DIS3L2: variants seen among roughly 807,000 people sequenced by gnomAD.
DIS3L2 encodes DIS3-like exonuclease 2.
Under a neutral mutation model 97.5 loss-of-function variants are expected in DIS3L2, and 34 were observed. The ratio of observed to expected loss-of-function variants is 0.35; its 90% CI spans 0.27 to 0.46. The LOEUF (loss-of-function observed/expected upper bound fraction) is 0.46, where lower values mean the gene tolerates loss of function less well. Among genes scored for constraint, DIS3L2 ranks in the 20% least tolerant of loss-of-function variants. The pLI, the probability that DIS3L2 is intolerant of heterozygous loss-of-function variation, is 1.00. For synonymous variants in DIS3L2, 435 were observed against 445.2 expected (o/e 0.98, Z 0.29); for missense variants, 1,038 against 1,146.0 (o/e 0.91, Z 1.36).
At chr2:232,084,492 A>T (rs953087927) in intron 5 of DIS3L2, among the ~76,000 whole-genome samples, 4 of 152,156 alleles carry the variant, frequency 2.6e-5, no homozygotes, top group Non-Finnish European at 5.9e-5. Context: ...GGATTTTCAG[A>T]TTAGGGATGT....
At chr2:232,218,297 A>T (rs1574952374) in intron 10 of DIS3L2, among the ~76,000 whole-genome samples, 1 of 152,242 alleles carries the variant, frequency 6.6e-6, no homozygotes, top group Non-Finnish European at 1.5e-5. Flanking sequence ...CACAGATAGT[A>T]TAGAGAACTG....
chr2:231,984,559 T>C (rs1360155619), intron 1 of DIS3L2, among the ~76,000 whole-genome samples: 1 of 151,744 alleles, frequency 6.6e-6, no homozygotes, highest in Non-Finnish European at 1.5e-5. Context: ...GCTAATTTTT[T>C]TTTTTTTGTA....
chr2:232,321,190 C>CG (rs1415985499), intron 14 of DIS3L2, among the ~76,000 whole-genome samples: 2 of 152,120 alleles, frequency 1.3e-5, no homozygotes, highest in Non-Finnish European at 2.9e-5. Flanking sequence ...CAAAAGCCTG[C>CG]GGGGGGCCAG....
intron 5 of DIS3L2, among the ~76,000 whole-genome samples, chr2:232,058,470 C>A (rs1429118137): frequency 6.6e-6 from 1 of 152,074 alleles, no homozygotes; most frequent in African/African-American, 2.4e-5. Context: ...CTAATTAGAA[C>A]TAGTAAGCTA....
chr2:232,303,776 A>C (rs1380510092), intron 14 of DIS3L2, among the ~76,000 whole-genome samples: 1 of 152,138 alleles, frequency 6.6e-6, no homozygotes, highest in Non-Finnish European at 1.5e-5. Context: ...AACAGAGAAG[A>C]AGAATGTGGC....
rs2106354657 is a variant in DIS3L2, at chr2:232,334,657, C to T, written c.2316C>T (p.Ala772=). ...VKESGPLESE[A]MVMGILKQAF... is the part of the protein sequence containing the mutation. The stretch of plus-strand genomic sequence containing the variant: ...AGAGTGGCCCCCTGGAGTCAGAAGC[C>T]ATGGTGATGGGCATCCTGAAGCAAG... Residue 772 remains alanine, a synonymous_variant, in exon 19 of 21, where the codon GCC becomes GCT. Transcript: ENST00000325385. 6.2e-7 allele frequency: 1 copy of T among 1,609,944 alleles called. No homozygotes were observed. The highest frequency in any genetic ancestry group is 1.1e-5 in the South Asian group (1 of 90,438).
At chr2:232,282,659 G>A (rs558016829) in intron 13 of DIS3L2, among the ~76,000 whole-genome samples, 18 of 152,300 alleles carry the variant, frequency 1.2e-4, no homozygotes, top group Admixed American at 1.0e-3. Flanking sequence ...GTAAGGCTGC[G>A]CTTTCAGGAG....
chr2:232,086,368 T>TATATGC (rs1696617446), intron 5 of DIS3L2, among the ~76,000 whole-genome samples: 1 of 135,894 alleles, frequency 7.4e-6, no homozygotes, highest in South Asian at 2.1e-4. Flanking sequence ...TGTGTATATG[T>TATATGC]ATATGTATAT....
intron 11 of DIS3L2, among the ~76,000 whole-genome samples, chr2:232,246,689 C>T (rs1300701911): frequency 1.3e-5 from 2 of 152,370 alleles, no homozygotes; most frequent in African/African-American, 4.8e-5. Context: ...GCTGAGTCTG[C>T]ACTTCACTCA....
chr2:232,135,905 A>G (rs1698342555), intron 7 of DIS3L2, among the ~76,000 whole-genome samples: 1 of 152,170 alleles, frequency 6.6e-6, no homozygotes, highest in Non-Finnish European at 1.5e-5. Context: ...ACTTTCTCAG[A>G]GAATACTTCT....
chr2:232,319,565 A>T (rs1223745644), intron 14 of DIS3L2, among the ~76,000 whole-genome samples: 1 of 152,162 alleles, frequency 6.6e-6, no homozygotes, highest in African/African-American at 2.4e-5. Flanking sequence ...GAGGCCAGAG[A>T]GTTCTGGGTG....
At chr2:232,132,189 G>C (rs1431013727) in intron 7 of DIS3L2, among the ~76,000 whole-genome samples, 1 of 151,888 alleles carries the variant, frequency 6.6e-6, no homozygotes, top group African/African-American at 2.4e-5. Flanking sequence ...CCTTTCTTTT[G>C]GATAATGTTT....
intron 1 of DIS3L2, among the ~76,000 whole-genome samples, chr2:232,011,410 A>G (rs906204986): frequency 4.0e-5 from 6 of 150,792 alleles, no homozygotes; most frequent in South Asian, 2.1e-4. Context: ...CTGGAGAGCA[A>G]TGGCACAATC....
chr2:232,300,408 T>A (rs1023742044), intron 14 of DIS3L2, among the ~76,000 whole-genome samples: 1 of 152,206 alleles, frequency 6.6e-6, no homozygotes, highest in Non-Finnish European at 1.5e-5. Flanking sequence ...CTCCCCACTC[T>A]TGGTCTCCAG....
At chr2:232,312,992 C>T (rs928034355) in intron 14 of DIS3L2, among the ~76,000 whole-genome samples, 1 of 152,042 alleles carries the variant, frequency 6.6e-6, no homozygotes, top group Non-Finnish European at 1.5e-5. Flanking sequence ...AACAATATTT[C>T]AGTTCAGTGT....
At chr2:232,174,585 C>CAAAAAA (rs60698530) in intron 9 of DIS3L2, among the ~76,000 whole-genome samples, 1 of 83,972 alleles carries the variant, frequency 1.2e-5, no homozygotes. Flanking sequence ...GACTCCACCT[C>CAAAAAA]AAAAAAAAAA....
intron 9 of DIS3L2, among the ~76,000 whole-genome samples, chr2:232,174,867 C>T (rs1429290491): frequency 6.6e-6 from 1 of 150,484 alleles, no homozygotes; most frequent in African/African-American, 2.5e-5. Context: ...TTTGAGACAG[C>T]GTCTTGCTCT....
chr2:232,282,072 C>A (rs79310368), intron 13 of DIS3L2, among the ~76,000 whole-genome samples: 2,953 of 150,824 alleles, frequency 0.02, 98 homozygotes, highest in African/African-American at 0.069. Flanking sequence ...AGCCGTCCTT[C>A]CTCCTTGCTT....
chr2:232,147,109 A>C (rs1432093413), intron 8 of DIS3L2, among the ~76,000 whole-genome samples: 2 of 152,094 alleles, frequency 1.3e-5, no homozygotes, highest in African/African-American at 4.8e-5. Context: ...TTTCTGCTCC[A>C]AGATTTTTAA....
Sources: gnomAD v4.1 joint callset for allele counts (sites outside exome capture counted in the v4.1 genomes callset) on GRCh38, gnomAD v4.1.1 for gene constraint, MANE v1.5 for transcripts, NCBI Gene and HGNC (gene_info 2026-07-23, HGNC 2026-07-21) for gene names.